RBMS3: variants seen among roughly 807,000 people sequenced by gnomAD.
RBMS3 encodes RNA-binding motif, single-stranded-interacting protein 3.
In RBMS3, 27 loss-of-function variants were observed where a neutral mutation model predicts 66.8. The observed-to-expected ratio is 0.40, with a 90% CI of 0.30 to 0.56. RBMS3 has a LOEUF of 0.56. Among genes scored for constraint, RBMS3 ranks in the 20% least tolerant of loss-of-function variants. RBMS3 has a pLI of 0.40. For synonymous variants in RBMS3, 188 were observed against 183.0 expected, an observed-to-expected ratio of 1.03 and a Z score of -0.22; for missense variants, 513 against 549.5, an observed-to-expected ratio of 0.93 and a Z score of 0.66.
At chr3:29,421,182 A>C (rs933065134) in intron 1 of RBMS3, among the ~76,000 whole-genome samples, 2 of 152,116 alleles carry the variant, frequency 1.3e-5, no homozygotes, top group African/African-American at 4.8e-5. Context: ...CGTATTCTTC[A>C]ACCAAAGCAA....
chr3:29,842,860 G>C (rs772602544), intron 6 of RBMS3, among the ~76,000 whole-genome samples: 1 of 152,228 alleles, frequency 6.6e-6, no homozygotes, highest in Admixed American at 6.5e-5. Context: ...TCTAGAACCT[G>C]AAAAGGCAAG....
intron 14 of RBMS3, among the ~76,000 whole-genome samples, chr3:29,999,111 C>T (rs1031357909): frequency 3.3e-5 from 5 of 151,534 alleles, no homozygotes; most frequent in African/African-American, 9.8e-5. Context: ...AGAATATGAT[C>T]AGACACTTCT....
intron 1 of RBMS3, among the ~76,000 whole-genome samples, chr3:29,331,322 C>T (rs975771226): frequency 6.6e-5 from 10 of 152,246 alleles, no homozygotes; most frequent in Admixed American, 3.9e-4. Flanking sequence ...GGGAGTTCCA[C>T]GTCCTCCCTG....
At chr3:29,609,898 A>T (rs1307426818) in intron 4 of RBMS3, among the ~76,000 whole-genome samples, 3 of 152,084 alleles carry the variant, frequency 2.0e-5, no homozygotes, top group Non-Finnish European at 4.4e-5. Context: ...TATTGAACCC[A>T]TGTCCAAGTC....
intron 4 of RBMS3, among the ~76,000 whole-genome samples, chr3:29,608,265 T>G (rs2048377163): frequency 6.6e-6 from 1 of 151,956 alleles, no homozygotes; most frequent in Admixed American, 6.6e-5. Flanking sequence ...CAGCATTAAC[T>G]TTTGTGGAAG....
At chr3:29,748,713 G>A (rs2055039622) in intron 5 of RBMS3, among the ~76,000 whole-genome samples, 1 of 152,142 alleles carries the variant, frequency 6.6e-6, no homozygotes, top group East Asian at 1.9e-4. Flanking sequence ...ACCTCACATA[G>A]CTCAGCCTGA....
chr3:29,807,104 GA>G (rs1411832716), intron 6 of RBMS3, among the ~76,000 whole-genome samples: 1 of 151,728 alleles, frequency 6.6e-6, no homozygotes, highest in Non-Finnish European at 1.5e-5. Flanking sequence ...TAGAAATAGA[GA>G]AAAAACATGA....
chr3:29,293,605 T>A (rs141112820), intron 1 of RBMS3, among the ~76,000 whole-genome samples: 1 of 151,966 alleles, frequency 6.6e-6, no homozygotes, highest in East Asian at 1.9e-4. Flanking sequence ...ATTGTATGCA[T>A]TTCTCCATCC....
intron 6 of RBMS3, among the ~76,000 whole-genome samples, chr3:29,856,355 C>A (rs2059076819): frequency 6.6e-6 from 1 of 152,080 alleles, no homozygotes; most frequent in South Asian, 2.1e-4. Context: ...AGAGAGAAGC[C>A]AGTTCAGAAA....
At chr3:29,413,061 T>A (rs2040332373) in intron 1 of RBMS3, among the ~76,000 whole-genome samples, 4 of 152,202 alleles carry the variant, frequency 2.6e-5, no homozygotes, top group Non-Finnish European at 5.9e-5. Context: ...ATTTCTCTTC[T>A]CACATAAGAA....
At chr3:29,848,512 G>A (rs1160781093) in intron 6 of RBMS3, among the ~76,000 whole-genome samples, 1 of 152,150 alleles carries the variant, frequency 6.6e-6, no homozygotes, top group Non-Finnish European at 1.5e-5. Flanking sequence ...AGTCCAGGGG[G>A]TTAAACAATA....
Position 29,739,974 on chromosome 3 carries a change from C to A in RBMS3, c.557+97C>A, listed in dbSNP as rs371310886. 888 of 562,078 alleles carry A rather than the reference C, an allele frequency of 1.6e-3. 1 individual carries two copies. The highest frequency in any genetic ancestry group is 7.5e-3 in the South Asian group (85 of 11,286). The allele number at this position is 562,078 out of a possible 1,614,324, so 34.8% of individuals were successfully genotyped here. A position where few individuals can be genotyped will look rare whatever the true frequency, so the allele number is the denominator to read the frequency against. On this transcript the variant is annotated intron_variant, in intron 5 of 14. Coordinates refer to ENST00000383767, the MANE Select transcript of RBMS3 (RefSeq NM_001003793.3). ...CTAGAGCCCAAAGCAATAGAATATG[C>A]AAAAAAAAAAAAAAAATTAAAAGTA...
At chr3:29,285,172 G>C (rs1439914680) in intron 1 of RBMS3, among the ~76,000 whole-genome samples, 1 of 139,386 alleles carries the variant, frequency 7.2e-6, no homozygotes, top group South Asian at 2.4e-4. Flanking sequence ...ACAACCTGTT[G>C]CTGTTGACTT....
At chr3:29,914,648 T>A (rs1577132951) in intron 10 of RBMS3, among the ~76,000 whole-genome samples, 1 of 152,078 alleles carries the variant, frequency 6.6e-6, no homozygotes. Context: ...TGGCTAATTA[T>A]GTATTGTATT....
rs1374288944 is a variant in RBMS3 at position 29,625,360 on chromosome 3, A to C, written c.399+38155A>C. On this transcript the variant is annotated intron_variant, in intron 4 of 14. Transcript: ENST00000383767. ...CATAGAACCAACTTAGAACAAGTGT[A>C]AGCAAAACCTTTGATCCTGTAGAAG... Among the ~76,000 whole-genome samples the C allele has an allele frequency of 3.3e-5, 5 of 152,144 alleles. No homozygotes were observed. The South Asian group carries it at 8.3e-4, about 25-fold the overall frequency.
At chr3:29,492,936 C>T (rs1305516735) in intron 3 of RBMS3, among the ~76,000 whole-genome samples, 3 of 152,132 alleles carry the variant, frequency 2.0e-5, no homozygotes, top group South Asian at 2.1e-4. Context: ...CATGCTAAAT[C>T]GGTACAGCTT....
At chr3:29,798,135 C>T (rs1013553440) in intron 6 of RBMS3, among the ~76,000 whole-genome samples, 1 of 150,414 alleles carries the variant, frequency 6.6e-6, no homozygotes, top group African/African-American at 2.5e-5. Context: ...AAACTATTAA[C>T]AATAGTAACA....
intron 4 of RBMS3, among the ~76,000 whole-genome samples, chr3:29,692,030 A>G (rs1301448847): frequency 6.9e-6 from 1 of 144,566 alleles, no homozygotes; most frequent in East Asian, 2.0e-4. Context: ...GCTCACTGCA[A>G]CCTCTGCCTC....
chr3:29,379,053 A>C (rs952719094), intron 1 of RBMS3, among the ~76,000 whole-genome samples: 4 of 152,138 alleles, frequency 2.6e-5, no homozygotes, highest in Admixed American at 2.6e-4. Context: ...TGGATCTTCC[A>C]TGGTAAAACT....
Sources: gnomAD v4.1 joint callset for allele counts (sites outside exome capture counted in the v4.1 genomes callset) on GRCh38, gnomAD v4.1.1 for gene constraint, MANE v1.5 for transcripts, NCBI Gene and HGNC (gene_info 2026-07-23, HGNC 2026-07-21) for gene names.